DOCK2: variants seen among roughly 807,000 people sequenced by gnomAD.
The protein encoded by DOCK2 is dedicator of cytokinesis 2, also known as dedicator of cytokinesis protein 2.
In DOCK2, 87 loss-of-function variants were observed where a neutral mutation model predicts 248.9. The observed-to-expected ratio is 0.35, with a 90% CI of 0.29 to 0.42. The LOEUF (loss-of-function observed/expected upper bound fraction) is 0.42. Ranked by LOEUF, DOCK2 falls within the 10% of genes least tolerant of loss-of-function variation. The probability of loss-of-function intolerance (pLI) is 1.00; values close to 1 mark genes in which losing one functional copy is unlikely to be tolerated. For missense variants in DOCK2, 1,747 were observed against 2,300.2 expected (o/e 0.76, Z 4.92); for synonymous variants, 805 against 821.6 (o/e 0.98, Z 0.35).
chr5:169,717,638 G>T (rs1761976190), intron 21 of DOCK2, among the ~76,000 whole-genome samples, 154 bp downstream of exon 21: 1 of 152,196 alleles, frequency 6.6e-6, no homozygotes, highest in South Asian at 2.1e-4. Flanking sequence ...GGGTTATTTG[G>T]ATATCATTAA....
rs111444934 is a variant in DOCK2, at chr5:170,055,110, G to T, written c.4214-195G>T. On this transcript the variant is annotated intron_variant, in intron 41 of 51. Transcript: ENST00000520908. ...GCTGAGCCCTGGCATAAGGTTGCAG[G>T]GTGACAGCACTGATAAGGACCTCAG... 9.6e-3 allele frequency among the ~76,000 whole-genome samples: 1,466 copies of T among 152,230 alleles called. 8 individuals are homozygous for T. Among genetic ancestry groups the T allele is most frequent in the Middle Eastern group, 0.058 (17 of 294 alleles).
intron 1 of DOCK2, among the ~76,000 whole-genome samples, chr5:169,639,617 A>G (rs941299203): frequency 7.2e-5 from 11 of 152,218 alleles, no homozygotes; most frequent in African/African-American, 4.8e-5. Context: ...AGCAAAAAGG[A>G]TGCAGGGAAA....
intron 26 of DOCK2, among the ~76,000 whole-genome samples, chr5:169,829,512 A>G (rs1376108637): frequency 6.6e-6 from 1 of 152,200 alleles, no homozygotes; most frequent in Non-Finnish European, 1.5e-5. Flanking sequence ...CTTACCTGAG[A>G]CGATTGCTGC....
rs374238415 is a variant in DOCK2, at chr5:169,755,463, C to T, written c.2377-4242C>T. Among the ~76,000 whole-genome samples, 19 of 152,254 alleles carry T rather than the reference C, an allele frequency of 1.2e-4. 1 individual carries two copies. The South Asian group carries it at 3.9e-3, about 32-fold the overall frequency. ...AATGAGAGTAAAAATAATAGAACGG[C>T]TGGGCACGGTGGCTCCAGCCTGTAA... On this transcript the variant is annotated intron_variant, in intron 23 of 51. Coordinates refer to ENST00000520908, the MANE Select transcript of DOCK2 (RefSeq NM_004946.3).
At chr5:169,645,046 A>T (rs1757376324) in intron 1 of DOCK2, among the ~76,000 whole-genome samples, 1 of 152,118 alleles carries the variant, frequency 6.6e-6, no homozygotes. Flanking sequence ...TCTATCATTG[A>T]TGGGCATTTG....
chr5:169,836,465 G>A (rs1025613814), intron 26 of DOCK2, among the ~76,000 whole-genome samples: 2 of 152,174 alleles, frequency 1.3e-5, no homozygotes, highest in African/African-American at 2.4e-5. Context: ...AACATTTCTA[G>A]TTTCTAATCA....
intron 36 of DOCK2, chr5:170,040,795 G>A: frequency 2.4e-6 from 1 of 423,480 alleles, no homozygotes. Context: ...AGGAATTCCT[G>A]AGACTCATCT....
At chr5:170,027,298 A>G (rs1489598740) in intron 33 of DOCK2, among the ~76,000 whole-genome samples, 3 of 152,108 alleles carry the variant, frequency 2.0e-5, no homozygotes, top group Admixed American at 1.3e-4. Flanking sequence ...CACATCTGGA[A>G]CTAGGGAGGG....
chr5:169,859,709 C>T (rs1345397376), intron 27 of DOCK2, among the ~76,000 whole-genome samples: 5 of 152,336 alleles, frequency 3.3e-5, no homozygotes, highest in African/African-American at 2.4e-5. Flanking sequence ...TTGCTCCCAA[C>T]ACCTACTTCC....
At chr5:169,817,331 A>G (rs1429035795) in intron 26 of DOCK2, among the ~76,000 whole-genome samples, 8 of 152,240 alleles carry the variant, frequency 5.3e-5, no homozygotes, top group Non-Finnish European at 1.2e-4. Flanking sequence ...TCTCTTTTCA[A>G]CTGAAGTAAT....
chr5:170,054,996 G>C (rs1404892773), intron 41 of DOCK2, among the ~76,000 whole-genome samples: 2 of 152,150 alleles, frequency 1.3e-5, no homozygotes. Context: ...ATTGATTTGA[G>C]AGCTATAAAT....
intron 27 of DOCK2, among the ~76,000 whole-genome samples, chr5:169,848,788 T>A (rs940433295): frequency 2.0e-5 from 3 of 152,146 alleles, no homozygotes; most frequent in Non-Finnish European, 2.9e-5. Context: ...CTCCAGAAAT[T>A]CAGAGCAGTT....
chr5:169,840,625 G>A (rs1769898579), intron 26 of DOCK2, 132 bp from the exon 27 acceptor site: 1 of 694,656 alleles, frequency 1.4e-6, no homozygotes, highest in Admixed American at 2.1e-5. Context: ...TGATGATGAT[G>A]GCAGTAGTGG....
At chr5:169,907,166 G>A (rs896705700) in intron 27 of DOCK2, among the ~76,000 whole-genome samples, 7 of 152,196 alleles carry the variant, frequency 4.6e-5, no homozygotes, top group African/African-American at 1.7e-4. Flanking sequence ...GATGGCTGCT[G>A]AGGCATTTTG....
At chr5:169,977,564 C>T (rs1432890468) in intron 27 of DOCK2, among the ~76,000 whole-genome samples, 2 of 152,184 alleles carry the variant, frequency 1.3e-5, no homozygotes, top group African/African-American at 2.4e-5. Flanking sequence ...AGACCCTGCT[C>T]GAGGTCACAA....
intron 29 of DOCK2, among the ~76,000 whole-genome samples, chr5:169,994,349 A>G (rs1778282119): frequency 6.6e-6 from 1 of 152,218 alleles, no homozygotes; most frequent in Non-Finnish European, 1.5e-5. Context: ...CAAGTAAATC[A>G]TCCTAGACCA....
intron 31 of DOCK2, 45 bp downstream of exon 31, chr5:170,008,642 G>A (rs1755156830): frequency 6.2e-7 from 1 of 1,613,946 alleles, no homozygotes; most frequent in Non-Finnish European, 8.5e-7. Context: ...AGGTCCATGA[G>A]ATCCTCTGAG....
intron 32 of DOCK2, among the ~76,000 whole-genome samples, chr5:170,011,765 G>T (rs998035678): frequency 2.8e-4 from 42 of 152,166 alleles, no homozygotes; most frequent in African/African-American, 9.9e-4. Context: ...AAAGAGGCAA[G>T]GAGAGGACAG....
Position 170,045,471 on chromosome 5 carries a change from C to T in DOCK2, c.3877-345C>T, listed in dbSNP as rs569213720. Among the ~76,000 whole-genome samples the T allele has an allele frequency of 2.5e-3, 374 of 152,270 alleles. 12 individuals are homozygous for T. The South Asian group carries it at 0.046, about 19-fold the overall frequency. ...CCTGCTTTTAGTGAGGCGTTTTGAC[C>T]CGGGACAGGTTGCTGGGCCTCTCTG... On this transcript the variant is annotated intron_variant, in intron 38 of 51. Coordinates refer to ENST00000520908, the MANE Select transcript of DOCK2 (RefSeq NM_004946.3).
Sources: allele counts gnomAD v4.1 joint callset (sites outside exome capture counted in the v4.1 genomes callset), GRCh38; gene constraint gnomAD v4.1.1; transcripts MANE v1.5; gene names NCBI Gene and HGNC (gene_info 2026-07-23, HGNC 2026-07-21).